The following MTR variants were observed in gnomAD, a reference collection of about 807,000 sequenced individuals.
MTR encodes the protein methionine synthase.
A neutral mutation model predicts 154.8 loss-of-function variants in MTR; 84 were observed. The ratio of observed to expected loss-of-function variants is 0.54; its 90% CI spans 0.45 to 0.65. The LOEUF is 0.65. Among genes scored for constraint, MTR ranks in the 30% least tolerant of loss-of-function variants. The probability of loss-of-function intolerance (pLI) is 0.00; values close to 1 mark genes in which losing one functional copy is unlikely to be tolerated. For synonymous variants in MTR, 554 were observed against 553.9 expected, an observed-to-expected ratio of 1.00 and a Z score of 0.00; for missense variants, 1,275 against 1,570.2, an observed-to-expected ratio of 0.81 and a Z score of 3.18.
intron 13 of MTR, among the ~76,000 whole-genome samples, chr1:236,833,129 A>G (rs1662710228): frequency 1.3e-5 from 2 of 152,208 alleles, no homozygotes; most frequent in South Asian, 2.1e-4. Context: ...TCATCTGAAC[A>G]TTCCAGGAGG....
intron 11 of MTR, among the ~76,000 whole-genome samples, chr1:236,827,991 T>A (rs976358722): frequency 4.6e-5 from 7 of 152,094 alleles, no homozygotes; most frequent in East Asian, 1.9e-4. Context: ...ATATATATAT[T>A]TTTTGGGATG....
In MTR at chr1:236,898,831, C is replaced by T. The variant is rs1348541944; in HGVS notation, c.*1187C>T. On this transcript the variant is annotated 3_prime_UTR_variant, in exon 33 of 33. Transcript: ENST00000366577. Reference sequence around the variant, plus strand: ...CACTCATTTCTTACCATTTTATTCCCCTCAATTCTCAATATATTCAGTAAT... The same window carrying T: ...CACTCATTTCTTACCATTTTATTCCTCTCAATTCTCAATATATTCAGTAAT... 2 of 152,276 alleles carry T rather than the reference C, an allele frequency of 1.3e-5. No homozygotes were observed. The highest frequency in any genetic ancestry group is 2.4e-5 in the African/African-American group (1 of 41,546). 9.4% of individuals were successfully genotyped at this position (152,276 alleles called of 1,614,324 possible).
intron 15 of MTR, among the ~76,000 whole-genome samples, chr1:236,842,784 G>GTATATATATA (rs60138451): frequency 0.037 from 5,307 of 144,318 alleles, 130 homozygotes; most frequent in Middle Eastern, 0.057. Context: ...AAAAAAAGAT[G>GTATATATATA]TATATATATA....
intron 3 of MTR, among the ~76,000 whole-genome samples, chr1:236,807,526 C>T (rs1661053584): frequency 1.3e-5 from 2 of 152,146 alleles, no homozygotes; most frequent in African/African-American, 4.8e-5. Flanking sequence ...TCAGTATTTC[C>T]ACATCCTCAC....
intron 27 of MTR, among the ~76,000 whole-genome samples, chr1:236,888,521 A>C (rs1666143250): frequency 6.6e-6 from 1 of 152,268 alleles, no homozygotes; most frequent in Admixed American, 6.5e-5. Context: ...TTAAAAAACG[A>C]AACAATGCAG....
In MTR at chr1:236,895,391, C is replaced by T. The variant is rs201718371; in HGVS notation, c.3439C>T (p.Arg1147Ter). Residue 1147 changes from arginine (R) to a stop codon, truncating the protein, a stop_gained, in exon 31 of 33, where the codon CGA becomes TGA. Transcript: ENST00000366577. LOFTEE classifies it high-confidence loss of function. The part of the protein sequence containing the change: ...FAEELHERVR[R>*]ELWAYCGSEQ... ...AGAAGAGCTCCATGAAAGAGTTCGC[C>T]GAGAACTGTGGGCCTACTGTGGCAG... 8.7e-6 allele frequency: 14 copies of T among 1,604,320 alleles called. No individual in the cohort carries two copies. Among genetic ancestry groups the T allele is most frequent in the African/African-American group, 1.3e-5 (1 of 74,938 alleles).
In MTR at chr1:236,897,021, A is replaced by G. The variant is rs1210078406; in HGVS notation, c.3614A>G (p.Glu1205Gly). Residue 1205 changes from glutamate to glycine, a missense_variant, in exon 32 of 33, where the codon GAA (glutamate) becomes GGA (glycine). Coordinates refer to ENST00000366577, the MANE Select transcript of MTR (RefSeq NM_000254.3). The stretch of plus-strand genomic sequence containing the variant: ...CTCCCTCTAGGCATTAGGTTAACAG[A>G]ATCATTAGCAATGGCACCTGCTTCA... ...IEQSTGIRLTESLAMAPASAV... is the reference protein window; with the variant it reads ...IEQSTGIRLTGSLAMAPASAV... The G allele has an allele frequency of 6.2e-7, 1 of 1,613,842 alleles. No individual in the cohort carries two copies. The highest frequency in any genetic ancestry group is 1.1e-5 in the South Asian group (1 of 91,070).
At chr1:236,888,105 C>A (rs868538117) in intron 27 of MTR, among the ~76,000 whole-genome samples, 9 of 152,174 alleles carry the variant, frequency 5.9e-5, no homozygotes, top group Admixed American at 5.2e-4. Flanking sequence ...GATTTCCAGG[C>A]AGGAGTAAGA....
At chr1:236,807,276 T>G (rs1661038436) in intron 3 of MTR, among the ~76,000 whole-genome samples, 1 of 152,112 alleles carries the variant, frequency 6.6e-6, no homozygotes, top group Non-Finnish European at 1.5e-5. Flanking sequence ...TGGGTTCAAG[T>G]GTTTCTCCTG....
At chr1:236,873,751 A>C in intron 22 of MTR, 22 bp from the exon 23 acceptor site, 3 of 1,605,152 alleles carry the variant, frequency 1.9e-6, no homozygotes, top group South Asian at 1.1e-5. Flanking sequence ...TAATTTTCTC[A>C]TGTCTCATTT....
intron 21 of MTR, among the ~76,000 whole-genome samples, chr1:236,862,945 C>T (rs774319702): frequency 3.2e-4 from 49 of 152,088 alleles, no homozygotes; most frequent in Non-Finnish European, 6.3e-4. Context: ...TTATAAAAAT[C>T]CTTCTTGTTT....
At chr1:236,858,160 G>A (rs1397797581) in intron 18 of MTR, among the ~76,000 whole-genome samples, 3 of 152,150 alleles carry the variant, frequency 2.0e-5, no homozygotes, top group Non-Finnish European at 4.4e-5. Context: ...CCCGAGACTG[G>A]GTAATTTATG....
In MTR at chr1:236,891,333, T is replaced by C. The variant is rs1367497069; in HGVS notation, c.3204+4T>C. 1.2e-6 allele frequency: 2 copies of C among 1,613,824 alleles called. No individual in the cohort carries two copies. The highest frequency in any genetic ancestry group is 1.1e-5 in the South Asian group (1 of 91,072). ...CTTCTATGGGTTAAGGCAACAGGTA[T>C]GGAAGGTGTACTGACAGCCAGCACA... On this transcript the variant is annotated splice_donor_region_variant and intron_variant, in intron 29 of 32. Transcript: ENST00000366577.
chr1:236,820,514 G>A, intron 8 of MTR: 1 of 921,824 alleles, frequency 1.1e-6, no homozygotes, highest in Non-Finnish European at 1.7e-6. Flanking sequence ...CCACTGAATG[G>A]TCTTAAGCTG....
intron 15 of MTR, among the ~76,000 whole-genome samples, chr1:236,846,384 A>T (rs1389654551): frequency 1.3e-5 from 2 of 148,400 alleles, no homozygotes; most frequent in Non-Finnish European, 3.0e-5. Flanking sequence ...TTATCACATA[A>T]TAGCAGAATA....
At chr1:236,863,163 C>T (rs143138478) in intron 21 of MTR, among the ~76,000 whole-genome samples, 1 of 152,306 alleles carries the variant, frequency 6.6e-6, no homozygotes, top group African/African-American at 2.4e-5. Flanking sequence ...CAAATAAGTT[C>T]CCCCGCACCC....
chr1:236,897,310 G>GCGCGCA, intron 32 of MTR, among the ~76,000 whole-genome samples, 192 bp downstream of exon 32: 2 of 128,682 alleles, frequency 1.6e-5, no homozygotes, highest in East Asian at 2.3e-4. Context: ...CCACACACAC[G>GCGCGCA]CACACACACA....
At chr1:236,889,482 T>C in intron 28 of MTR, 146 bp downstream of exon 28, 1 of 1,046,926 alleles carries the variant, frequency 9.6e-7, no homozygotes, top group South Asian at 1.3e-5. Context: ...AACTTTTTAA[T>C]GGTTTTCAAT....
chr1:236,835,590 A>G lies in MTR; in HGVS notation c.1232A>G (p.Gln411Arg). 6.2e-7 allele frequency: 1 copy of G among 1,611,350 alleles called. No individual in the cohort carries two copies. Among genetic ancestry groups the G allele is most frequent in the Non-Finnish European group, 8.5e-7 (1 of 1,179,526 alleles). ...AAAGTGCAGGTGGAAATGGGAGCCC[A>G]GGTGTTGGATGTCAACATGGATGAT... ...VAKVQVEMGA[Q>R]VLDVNMDDGM... is the part of the protein sequence containing the mutation. Residue 411 changes from glutamine to arginine, a missense_variant, in exon 14 of 33, where the codon CAG (glutamine) becomes CGG (arginine). Coordinates refer to ENST00000366577, the MANE Select transcript of MTR (RefSeq NM_000254.3).
Sources: gnomAD v4.1 joint callset for allele counts (sites outside exome capture counted in the v4.1 genomes callset) on GRCh38, gnomAD v4.1.1 for gene constraint, MANE v1.5 for transcripts, NCBI Gene and HGNC (gene_info 2026-07-23, HGNC 2026-07-21) for gene names.